COL12A1: variants seen among roughly 807,000 people sequenced by gnomAD.
COL12A1 encodes collagen type XII alpha 1 chain, also known as collagen alpha-1(XII) chain.
Under a neutral mutation model 349.7 loss-of-function variants are expected in COL12A1, and 114 were observed. The ratio of observed to expected loss-of-function variants is 0.33; its 90% CI spans 0.28 to 0.38. The LOEUF (loss-of-function observed/expected upper bound fraction) is 0.38, where lower values mean the gene tolerates loss of function less well. Ranked by LOEUF, COL12A1 falls within the 10% of genes least tolerant of loss-of-function variation. The probability of loss-of-function intolerance (pLI) is 1.00; values close to 1 mark genes in which losing one functional copy is unlikely to be tolerated. For synonymous variants in COL12A1, 1,369 were observed against 1,329.0 expected (o/e 1.03, Z -0.66); for missense variants, 3,284 against 3,756.9 (o/e 0.87, Z 3.29).
chr6:75,189,411 T>G (rs1769807692), intron 6 of COL12A1, 30 bp from the exon 7 acceptor site: 1 of 1,606,334 alleles, frequency 6.2e-7, no homozygotes, highest in African/African-American at 1.3e-5. Flanking sequence ...GTTCATTTAC[T>G]CTGTACTACA....
intron 13 of COL12A1, among the ~76,000 whole-genome samples, chr6:75,168,636 T>C (rs1037998426): frequency 1.8e-4 from 27 of 152,226 alleles, no homozygotes; most frequent in Non-Finnish European, 4.0e-4. Flanking sequence ...TGCACCTAAG[T>C]ACTGGTGCCT....
chr6:75,154,662 TACA>T (rs1322366341), intron 16 of COL12A1, 125 bp from the exon 17 acceptor site: 2 of 901,184 alleles, frequency 2.2e-6, no homozygotes, highest in Non-Finnish European at 1.5e-6. Flanking sequence ...GTTTATAGTG[TACA>T]ACATTATAAG....
chr6:75,136,773 G>C (rs1766629005), intron 31 of COL12A1, among the ~76,000 whole-genome samples: 1 of 152,052 alleles, frequency 6.6e-6, no homozygotes, highest in Non-Finnish European at 1.5e-5. Context: ...TTCACAAAAG[G>C]CAAAGTTGTA....
Position 75,184,031 on chromosome 6 carries a change from T to C in COL12A1, c.1111A>G (p.Met371Val), listed in dbSNP as rs2149467349. ...GCGTGCTGTCGGCTTCCTGCAGTCA[T>C]TGGTGTGAGGATGACTTTGTAGCCA... ...VTGYKVILTP[M>V]TAGSRQHALS... The change falls in exon 9 of 66, where the codon ATG becomes GTG. Residue 371 changes from methionine (M) to valine (V), a missense_variant. Physicochemically the swap from Met to Val is conservative, Grantham distance 21 (BLOSUM62 1). Coordinates refer to ENST00000322507, the MANE Select transcript of COL12A1 (RefSeq NM_004370.6). The C allele has an allele frequency of 6.2e-7, 1 of 1,614,136 alleles. No individual in the cohort carries two copies. Among genetic ancestry groups the C allele is most frequent in the Non-Finnish European group, 8.5e-7 (1 of 1,180,014 alleles).
intron 58 of COL12A1, among the ~76,000 whole-genome samples, chr6:75,098,404 A>C (rs1021897797): frequency 2.6e-5 from 4 of 152,218 alleles, no homozygotes; most frequent in Non-Finnish European, 4.4e-5. Flanking sequence ...CTGCAATCCC[A>C]GCACTTTGGG....
At chr6:75,094,760 A>C (rs949215726) in intron 60 of COL12A1, among the ~76,000 whole-genome samples, 2 of 152,196 alleles carry the variant, frequency 1.3e-5, no homozygotes, top group African/African-American at 2.4e-5. Context: ...CACCATCGTC[A>C]TGTATTTTTC....
At position 75,125,267 on chromosome 6, in the gene COL12A1, T is replaced by C. The variant is rs1582089703; in HGVS notation, c.6467A>G (p.Asn2156Ser). ...YKIVYKPVGSNEPMEAFVGEM... is the reference protein window; with the variant it reads ...YKIVYKPVGSSEPMEAFVGEM... The stretch of plus-strand genomic sequence containing the variant: ...TCCAACAAAGGCTTCCATGGGCTCA[T>C]TGGAACCTTTATTAACAACCACAAA... The change falls in exon 40 of 66, where the codon AAT becomes AGT. Residue 2156 changes from asparagine to serine, a missense_variant. Asn to Ser is a conservative substitution (Grantham distance 46). Around this residue, in one of 2 missense-constraint regions of COL12A1, gnomAD observed 2,601 missense variants for 2,824.8 expected, o/e 0.92. Transcript: ENST00000322507. 3.1e-6 allele frequency: 5 copies of C among 1,599,244 alleles called. 1 individual carries two copies. Among genetic ancestry groups the C allele is most frequent in the Non-Finnish European group, 4.3e-6 (5 of 1,173,802 alleles).
At chr6:75,156,889 T>C (rs1366507986) in intron 14 of COL12A1, among the ~76,000 whole-genome samples, 1 of 152,226 alleles carries the variant, frequency 6.6e-6, no homozygotes, top group Non-Finnish European at 1.5e-5. Context: ...TGGAGAATAC[T>C]AAAAATTATG....
At chr6:75,176,570 A>C (rs79769797) in intron 12 of COL12A1, among the ~76,000 whole-genome samples, 1,982 of 152,212 alleles carry the variant, frequency 0.013, 41 homozygotes, top group African/African-American at 0.046. Flanking sequence ...CCAAGAGATA[A>C]TGGATACTCC....
chr6:75,175,191 C>G lies in COL12A1; in HGVS notation c.2557G>C (p.Gly853Arg). Residue 853 changes from glycine (G) to arginine (R), a missense_variant, in exon 13 of 66, where the codon GGG becomes CGG. Coordinates refer to ENST00000322507, the MANE Select transcript of COL12A1 (RefSeq NM_004370.6). ...ACAGTGACCTCTTGAGTTTCACCCC[C>G]TGCCACTGGGGTATATGTGACGAGA... is the stretch of plus-strand genomic sequence containing the variant. ...QYLVTYTPVAGGETQEVTVRG... is the reference protein window; with the variant it reads ...QYLVTYTPVARGETQEVTVRG... 1 of 1,614,166 alleles carries G rather than the reference C, an allele frequency of 6.2e-7. No individual in the cohort carries two copies. The highest frequency in any genetic ancestry group is 8.5e-7 in the Non-Finnish European group (1 of 1,180,028).
chr6:75,116,864 A>C (rs1357632053), intron 47 of COL12A1, among the ~76,000 whole-genome samples: 8 of 152,172 alleles, frequency 5.3e-5, no homozygotes, highest in Non-Finnish European at 1.2e-4. Context: ...ATGGATGGTG[A>C]TAAGAATAAA....
At chr6:75,118,827 C>T (rs1174459529) in intron 46 of COL12A1, among the ~76,000 whole-genome samples, 1 of 152,152 alleles carries the variant, frequency 6.6e-6, no homozygotes, top group African/African-American at 2.4e-5. Flanking sequence ...CCTTGTCAAT[C>T]CTGAACCACA....
chr6:75,155,962 G>A (rs533274577), intron 15 of COL12A1, 108 bp from the exon 16 acceptor site: 65 of 1,173,448 alleles, frequency 5.5e-5, no homozygotes, highest in East Asian at 1.5e-4. Flanking sequence ...GTTTAAGTCC[G>A]GTAGCACAAA....
Position 75,084,356 on chromosome 6 carries a change from CCT to C in COL12A1, c.*2189_*2190del. 2.0e-5 allele frequency: 3 copies of C among 152,706 alleles called. No homozygotes were observed. In the Middle Eastern group the frequency reaches 0.01, roughly 519 times the overall value. The allele number at this position is 152,706 out of a possible 1,614,324, so 9.5% of individuals were successfully genotyped here. Reference sequence around the variant, plus strand: ...TTTTCAGTAGTTTTATTGAAAAATGCCTCTTTTGTTTCAGAAATAAATAATAT... The same window carrying C: ...TTTTCAGTAGTTTTATTGAAAAATGCCTTTTGTTTCAGAAATAAATAATAT... On this transcript the variant is annotated 3_prime_UTR_variant, in exon 66 of 66. Coordinates refer to ENST00000322507, the MANE Select transcript of COL12A1 (RefSeq NM_004370.6).
chr6:75,123,281 T>C (rs1374823723), intron 43 of COL12A1, 49 bp downstream of exon 43: 4 of 1,469,936 alleles, frequency 2.7e-6, no homozygotes, highest in Non-Finnish European at 3.8e-6. Context: ...AAATAAGAAG[T>C]CTGTAACTCC....
At chr6:75,204,107 A>G (rs1408911744) in intron 1 of COL12A1, among the ~76,000 whole-genome samples, 1 of 152,204 alleles carries the variant, frequency 6.6e-6, no homozygotes, top group Non-Finnish European at 1.5e-5. Flanking sequence ...TATGAAGCCA[A>G]GATTAAAATT....
intron 27 of COL12A1, among the ~76,000 whole-genome samples, chr6:75,141,443 G>A (rs895120710): frequency 6.6e-6 from 1 of 152,194 alleles, no homozygotes; most frequent in African/African-American, 2.4e-5. Context: ...GGAGCAGGAA[G>A]CAGGGTCTGG....
chr6:75,177,422 C>T (rs1243290869), intron 12 of COL12A1, among the ~76,000 whole-genome samples: 1 of 151,816 alleles, frequency 6.6e-6, no homozygotes, highest in South Asian at 2.1e-4. Flanking sequence ...CAGAGAGAGA[C>T]TCTGTCTGAA....
intron 34 of COL12A1, 24 bp downstream of exon 34, chr6:75,133,269 T>C (rs748052736): frequency 6.4e-6 from 10 of 1,550,554 alleles, no homozygotes; most frequent in Non-Finnish European, 6.9e-6. Context: ...GATGAAAAAT[T>C]AATTTTTTGG....
Sources: allele counts gnomAD v4.1 joint callset (sites outside exome capture counted in the v4.1 genomes callset), GRCh38; gene constraint gnomAD v4.1.1; regional missense constraint gnomAD v4.1.1; transcripts MANE v1.5; gene names NCBI Gene and HGNC (gene_info 2026-07-23, HGNC 2026-07-21).